Variants in TMEM170B observed in about 807,000 individuals in gnomAD.
TMEM170B encodes the protein transmembrane protein 170B.
A neutral mutation model predicts 13.0 loss-of-function variants in TMEM170B; 6 were observed. The ratio of observed to expected loss-of-function variants is 0.46; its 90% CI spans 0.25 to 0.91. The LOEUF (loss-of-function observed/expected upper bound fraction) is 0.91, where lower values mean the gene tolerates loss of function less well. TMEM170B is among the 40% of genes least tolerant of loss of function. The pLI is 0.17. For missense variants in TMEM170B, 138 were observed against 165.2 expected (o/e 0.84, Z 0.90); for synonymous variants, 61 against 64.9 (o/e 0.94, Z 0.29).
chr6:11,548,493 T>G (rs543004311), intron 1 of TMEM170B, among the ~76,000 whole-genome samples: 1 of 151,798 alleles, frequency 6.6e-6, no homozygotes, highest in Non-Finnish European at 1.5e-5. Context: ...GTAAACTAGT[T>G]CAACCATTGT....
intron 1 of TMEM170B, among the ~76,000 whole-genome samples, chr6:11,553,925 T>C (rs1759556349): frequency 1.3e-5 from 2 of 152,184 alleles, no homozygotes; most frequent in African/African-American, 4.8e-5. Flanking sequence ...CTTCCAGTTA[T>C]GAAATTATCT....
chr6:11,570,392 C>T (rs1054366068), intron 2 of TMEM170B, among the ~76,000 whole-genome samples: 6 of 151,888 alleles, frequency 4.0e-5, no homozygotes, highest in Non-Finnish European at 7.4e-5. Flanking sequence ...GATGAATAGA[C>T]TGCTGGCAAA....
chr6:11,549,653 A>G (rs567049487), intron 1 of TMEM170B, among the ~76,000 whole-genome samples: 1,580 of 149,318 alleles, frequency 0.011, 10 homozygotes, highest in Middle Eastern at 0.021. Context: ...ACAGAGCGAG[A>G]CTCCGTCTCA....
intron 1 of TMEM170B, among the ~76,000 whole-genome samples, chr6:11,540,757 G>A (rs1759348834): frequency 6.6e-6 from 1 of 152,130 alleles, no homozygotes; most frequent in African/African-American, 2.4e-5. Context: ...TCCATCAGAG[G>A]AATCACTATC....
chr6:11,565,055 C>T (rs1759716952), intron 1 of TMEM170B, among the ~76,000 whole-genome samples: 1 of 152,088 alleles, frequency 6.6e-6, no homozygotes, highest in Non-Finnish European at 1.5e-5. Flanking sequence ...GCTGAGATGT[C>T]AGTGAACAGT....
Position 11,572,016 on chromosome 6 carries a change from A to T in TMEM170B, c.269-3415A>T, listed in dbSNP as rs545722209. Among the ~76,000 whole-genome samples, 81 of 152,310 alleles carry T rather than the reference A, an allele frequency of 5.3e-4. 2 individuals carry two copies. The highest frequency in any genetic ancestry group is 3.4e-3 in the Middle Eastern group (1 of 294). On this transcript the variant is annotated intron_variant, in intron 2 of 2. Transcript: ENST00000379426. The stretch of plus-strand genomic sequence containing the variant: ...ACCCACTAGATTGGCAAAAAAAATT[A>T]AAAAACAAAAAAGGATGTCACCTGC...
intron 1 of TMEM170B, among the ~76,000 whole-genome samples, chr6:11,548,695 T>G (rs139672764): frequency 0.058 from 8,792 of 152,148 alleles, 275 homozygotes; most frequent in East Asian, 0.16. Flanking sequence ...AATGATAGAC[T>G]GGATTAAGAA....
intron 2 of TMEM170B, among the ~76,000 whole-genome samples, 164 bp downstream of exon 2, chr6:11,566,000 A>G (rs1759728870): frequency 6.6e-6 from 1 of 152,242 alleles, no homozygotes; most frequent in Admixed American, 6.5e-5. Context: ...TGATTTATTC[A>G]TTGAACAGAC....
In TMEM170B at chr6:11,576,766, G is replaced by A. The variant is rs1191716782; in HGVS notation, c.*1205G>A. Reference sequence around the variant, plus strand: ...TGGCAATTAGTCTCAGCATATCAATGCAGTACTGAGCGTGTATTAGAGTAA... The same window carrying A: ...TGGCAATTAGTCTCAGCATATCAATACAGTACTGAGCGTGTATTAGAGTAA... On this transcript the variant is annotated 3_prime_UTR_variant, in exon 3 of 3. Coordinates refer to ENST00000379426, the MANE Select transcript of TMEM170B (RefSeq NM_001100829.3). The A allele has an allele frequency of 6.6e-6, 1 of 152,088 alleles. No homozygotes were observed. Among genetic ancestry groups the A allele is most frequent in the Non-Finnish European group, 1.5e-5 (1 of 67,958 alleles). 9.4% of individuals were successfully genotyped at this position (152,088 alleles called of 1,614,324 possible). A position where few individuals can be genotyped will look rare whatever the true frequency, so the allele number is the denominator to read the frequency against.
chr6:11,569,582 G>A (rs1408174438), intron 2 of TMEM170B, among the ~76,000 whole-genome samples: 2 of 152,162 alleles, frequency 1.3e-5, no homozygotes, highest in Admixed American at 6.5e-5. Flanking sequence ...ATAGACATAT[G>A]TAAATGAATG....
chr6:11,566,675 G>A (rs771850587), intron 2 of TMEM170B, among the ~76,000 whole-genome samples: 4 of 152,184 alleles, frequency 2.6e-5, no homozygotes, highest in Non-Finnish European at 5.9e-5. Flanking sequence ...GACACAAATG[G>A]GCACTTTGGA....
rs1759946850 is a variant in TMEM170B at position 11,580,870 on chromosome 6, G to C, written c.*5309G>C. 1 of 152,082 alleles carries C rather than the reference G, an allele frequency of 6.6e-6. No homozygotes were observed. The highest frequency in any genetic ancestry group is 1.9e-4 in the East Asian group (1 of 5,192). The allele number at this position is 152,082 out of a possible 1,614,324, so 9.4% of individuals were successfully genotyped here. On this transcript the variant is annotated 3_prime_UTR_variant, in exon 3 of 3. Transcript: ENST00000379426. ...ACACATGCTGTGTTTCTTTATATGT[G>C]AGGCTTCACTGACCACCGTGCATTT...
At chr6:11,564,466 G>T (rs1208271352) in intron 1 of TMEM170B, among the ~76,000 whole-genome samples, 1 of 152,088 alleles carries the variant, frequency 6.6e-6, no homozygotes, top group African/African-American at 2.4e-5. Flanking sequence ...TGACTACCTA[G>T]CCCAAATCAC....
chr6:11,554,280 A>G (rs543140384), intron 1 of TMEM170B, among the ~76,000 whole-genome samples: 1 of 152,164 alleles, frequency 6.6e-6, no homozygotes, highest in South Asian at 2.1e-4. Context: ...ACATGAATCA[A>G]AAAATGTTTT....
intron 1 of TMEM170B, among the ~76,000 whole-genome samples, chr6:11,562,113 C>A (rs950136401): frequency 6.6e-6 from 1 of 152,080 alleles, no homozygotes; most frequent in African/African-American, 2.4e-5. Flanking sequence ...TGTTGCAGAG[C>A]CTTTCCTTGT....
chr6:11,572,661 G>A (rs1274890648), intron 2 of TMEM170B, among the ~76,000 whole-genome samples: 1 of 152,038 alleles, frequency 6.6e-6, no homozygotes, highest in Non-Finnish European at 1.5e-5. Context: ...AAACATTATA[G>A]ATAGAGCAAA....
intron 1 of TMEM170B, among the ~76,000 whole-genome samples, chr6:11,543,580 G>C (rs1759391041): frequency 6.6e-6 from 1 of 152,140 alleles, no homozygotes; most frequent in Non-Finnish European, 1.5e-5. Flanking sequence ...TAGTGAAAAA[G>C]TCATTATCTT....
chr6:11,565,197 A>G (rs1004530167), intron 1 of TMEM170B, among the ~76,000 whole-genome samples: 1 of 152,214 alleles, frequency 6.6e-6, no homozygotes, highest in South Asian at 2.1e-4. Flanking sequence ...ACAAGGAGAA[A>G]ATGACTGAAA....
chr6:11,567,903 G>A (rs773980949), intron 2 of TMEM170B, among the ~76,000 whole-genome samples: 1 of 152,198 alleles, frequency 6.6e-6, no homozygotes, highest in Non-Finnish European at 1.5e-5. Flanking sequence ...TTTGAATGCA[G>A]TTGGCAAGGG....
Sources: allele counts gnomAD v4.1 joint callset (sites outside exome capture counted in the v4.1 genomes callset), GRCh38; gene constraint gnomAD v4.1.1; transcripts MANE v1.5; gene names NCBI Gene and HGNC (gene_info 2026-07-23, HGNC 2026-07-21).